Variants in L3MBTL4 observed in about 807,000 individuals in gnomAD.
The protein encoded by L3MBTL4 is L3MBTL histone methyl-lysine binding protein 4.
A neutral mutation model predicts 84.5 loss-of-function variants in L3MBTL4; 70 were observed. That is an observed-to-expected ratio of 0.83 (90% CI 0.68 to 1.01). The LOEUF is 1.01. L3MBTL4 is among the 50% of genes least tolerant of loss of function. The pLI is 0.00. For missense variants in L3MBTL4, 715 were observed against 754.8 expected (o/e 0.95, Z 0.62); for synonymous variants, 274 against 259.8 (o/e 1.05, Z -0.52).
intron 11 of L3MBTL4, 84 bp from the exon 12 acceptor site, chr18:6,213,343 T>C: frequency 1.4e-6 from 1 of 699,394 alleles, no homozygotes. Context: ...AATACTACTG[T>C]TTTAGTTTTA....
intron 14 of L3MBTL4, among the ~76,000 whole-genome samples, chr18:6,096,747 T>A (rs1368520163): frequency 6.6e-6 from 1 of 152,240 alleles, no homozygotes; most frequent in Admixed American, 6.5e-5. Flanking sequence ...ATTGGGGAAG[T>A]ACTGTTCTGA....
intron 16 of L3MBTL4, among the ~76,000 whole-genome samples, chr18:6,079,745 T>C (rs558110518): frequency 5.3e-5 from 8 of 152,158 alleles, no homozygotes. Flanking sequence ...TTCCAAAACA[T>C]GTCGTTTACA....
chr18:6,301,648 T>A (rs1454659500), intron 4 of L3MBTL4, among the ~76,000 whole-genome samples: 1 of 152,216 alleles, frequency 6.6e-6, no homozygotes, highest in Non-Finnish European at 1.5e-5. Context: ...TACAAATAAG[T>A]TGTTTTATTT....
intron 4 of L3MBTL4, among the ~76,000 whole-genome samples, chr18:6,291,909 G>A (rs1210960771): frequency 6.6e-6 from 1 of 152,166 alleles, no homozygotes; most frequent in Non-Finnish European, 1.5e-5. Flanking sequence ...AAAGTGAAGA[G>A]ACAACCCACA....
chr18:6,217,467 T>C (rs1402097643), intron 10 of L3MBTL4, among the ~76,000 whole-genome samples: 2 of 152,262 alleles, frequency 1.3e-5, no homozygotes, highest in Non-Finnish European at 2.9e-5. Flanking sequence ...ACATTCATTT[T>C]CATTGTTGTA....
At chr18:6,337,785 A>G (rs902740050) in intron 1 of L3MBTL4, among the ~76,000 whole-genome samples, 1 of 152,160 alleles carries the variant, frequency 6.6e-6, no homozygotes, top group African/African-American at 2.4e-5. Context: ...AAATGAAAGA[A>G]GCTCTATAAA....
intron 1 of L3MBTL4, among the ~76,000 whole-genome samples, chr18:6,352,658 T>C (rs529268513): frequency 6.6e-6 from 1 of 152,326 alleles, no homozygotes; most frequent in Non-Finnish European, 1.5e-5. Flanking sequence ...CACACTACCC[T>C]GAAGGTAGGA....
intron 16 of L3MBTL4, among the ~76,000 whole-genome samples, chr18:5,996,658 A>G (rs982248731): frequency 7.2e-5 from 11 of 152,142 alleles, no homozygotes; most frequent in African/African-American, 2.7e-4. Context: ...CCACACCATC[A>G]GTGCAGGTTA....
At chr18:6,164,328 A>G (rs2043528154) in intron 13 of L3MBTL4, among the ~76,000 whole-genome samples, 1 of 152,202 alleles carries the variant, frequency 6.6e-6, no homozygotes, top group Non-Finnish European at 1.5e-5. Context: ...CTTTGAAGAG[A>G]GTAGTGGTTC....
At chr18:6,258,552 C>T (rs934024469) in intron 5 of L3MBTL4, 1 of 152,296 alleles carries the variant, frequency 6.6e-6, no homozygotes, top group East Asian at 1.9e-4. Flanking sequence ...AAAGGAACTA[C>T]AAGTCTTAAA....
intron 16 of L3MBTL4, among the ~76,000 whole-genome samples, chr18:6,053,701 A>G (rs2056916803): frequency 6.6e-6 from 1 of 152,174 alleles, no homozygotes; most frequent in African/African-American, 2.4e-5. Flanking sequence ...GGTTGCGCCT[A>G]TGGTCCACTG....
At position 6,010,094 on chromosome 18, in the gene L3MBTL4, A is replaced by T. The variant is rs1270688763; in HGVS notation, c.1445-40532T>A. 4.6e-5 allele frequency among the ~76,000 whole-genome samples: 7 copies of T among 151,306 alleles called. No individual in the cohort carries two copies. The East Asian group carries it at 1.4e-3, about 29-fold the overall frequency. ...GTCGTGTTTTCCATGATGCTTTTAA[A>T]TTCTAGTTTTGACTGGATGTTCAAC... On this transcript the variant is annotated intron_variant, in intron 16 of 18. Coordinates refer to ENST00000317931, the MANE Select transcript of L3MBTL4 (RefSeq NM_001330559.2).
chr18:6,031,456 T>C, intron 16 of L3MBTL4: 2 of 985,478 alleles, frequency 2.0e-6, no homozygotes, highest in Non-Finnish European at 2.4e-6. Context: ...ATTCTTTGCC[T>C]CTTGAGAAAT....
chr18:6,266,311 C>A (rs1177530127), intron 4 of L3MBTL4, among the ~76,000 whole-genome samples: 2 of 152,142 alleles, frequency 1.3e-5, no homozygotes, highest in African/African-American at 4.8e-5. Flanking sequence ...CATAAATATT[C>A]TTTCTTTATT....
At chr18:6,335,002 C>T (rs911519930) in intron 1 of L3MBTL4, among the ~76,000 whole-genome samples, 11 of 152,136 alleles carry the variant, frequency 7.2e-5, no homozygotes, top group Admixed American at 5.9e-4. Context: ...TCTCTTGAAC[C>T]GTTAATGGTT....
At chr18:6,140,796 A>G (rs565101690) in intron 13 of L3MBTL4, among the ~76,000 whole-genome samples, 1 of 152,168 alleles carries the variant, frequency 6.6e-6, no homozygotes, top group South Asian at 2.1e-4. Flanking sequence ...TTACAACTCT[A>G]CTTAGATCCC....
intron 12 of L3MBTL4, among the ~76,000 whole-genome samples, chr18:6,174,354 A>C (rs990032137): frequency 3.9e-5 from 6 of 152,186 alleles, no homozygotes; most frequent in African/African-American, 1.4e-4. Context: ...TCAAAAACTT[A>C]ATTGAAATGG....
intron 13 of L3MBTL4, among the ~76,000 whole-genome samples, chr18:6,148,293 G>T (rs1055227915): frequency 6.6e-6 from 1 of 152,096 alleles, no homozygotes; most frequent in Non-Finnish European, 1.5e-5. Flanking sequence ...TACAGAATAG[G>T]CCTTTGTAAA....
chr18:5,989,236 T>C (rs3745089), intron 16 of L3MBTL4, among the ~76,000 whole-genome samples: 9,090 of 152,252 alleles, frequency 0.06, 705 homozygotes, highest in African/African-American at 0.17. Flanking sequence ...TTGCAATGAA[T>C]TAAAAATTTA....
Sources: allele counts gnomAD v4.1 joint callset (sites outside exome capture counted in the v4.1 genomes callset), GRCh38; gene constraint gnomAD v4.1.1; transcripts MANE v1.5; gene names NCBI Gene and HGNC (gene_info 2026-07-23, HGNC 2026-07-21).